PRMT7: variants seen among roughly 807,000 people sequenced by gnomAD.
PRMT7 encodes the protein protein arginine methyltransferase 7.
In PRMT7, 75 loss-of-function variants were observed where a neutral mutation model predicts 85.4. The ratio of observed to expected loss-of-function variants is 0.88; its 90% confidence interval spans 0.73 to 1.06. The LOEUF is 1.06. Among genes scored for constraint, PRMT7 ranks in the 50% least tolerant of loss-of-function variants. The pLI, the probability that PRMT7 is intolerant of heterozygous loss-of-function variation, is 0.00. For missense variants in PRMT7, 868 were observed against 915.2 expected (o/e 0.95, Z 0.67); for synonymous variants, 397 against 359.5 (o/e 1.10, Z -1.18).
rs1362575188 is a variant in PRMT7 at position 68,353,553 on chromosome 16, A to T, written c.1637A>T (p.Asp546Val). ...DCEGFDVHIM[D>V]DMIKRALDFR... The stretch of plus-strand genomic sequence containing the variant: ...GAAGGCTTCGACGTGCACATCATGG[A>T]CGACATGATTAAGGTAGGCAGGGCC... Residue 546 changes from aspartate to valine, a missense_variant, in exon 16 of 19, where the codon GAC (aspartate) becomes GTC (valine). Coordinates refer to ENST00000441236, the MANE Select transcript of PRMT7 (RefSeq NM_019023.5). 1.9e-6 allele frequency: 3 copies of T among 1,587,980 alleles called. No individual in the cohort carries two copies. Among genetic ancestry groups the T allele is most frequent in the Non-Finnish European group, 2.6e-6 (3 of 1,167,902 alleles).
Position 68,324,705 on chromosome 16 carries a change from TCCGGGCTG to T in PRMT7, c.159_166del (p.Ala54GlufsTer45). ...TAGAATGTAAAATACTACCAAGGTA[TCCGGGCTG>T]CCGTGAGCAGGGTGAAGGACAGAGG... On this transcript the variant is annotated frameshift_variant, in exon 5 of 19. Coordinates refer to ENST00000441236, the MANE Select transcript of PRMT7 (RefSeq NM_019023.5). LOFTEE classifies it high-confidence loss of function. 1 of 1,614,268 alleles carries T rather than the reference TCCGGGCTG, an allele frequency of 6.2e-7. No individual in the cohort carries two copies. Among genetic ancestry groups the T allele is most frequent in the Non-Finnish European group, 8.5e-7 (1 of 1,180,040 alleles).
At chr16:68,337,115 T>G (rs909878251) in intron 6 of PRMT7, among the ~76,000 whole-genome samples, 5 of 152,218 alleles carry the variant, frequency 3.3e-5, no homozygotes, top group Non-Finnish European at 7.3e-5. Flanking sequence ...CTCAAACTCC[T>G]GAACTCAATC....
intron 2 of PRMT7, among the ~76,000 whole-genome samples, chr16:68,312,445 G>T (rs1301130163): frequency 6.6e-6 from 1 of 151,816 alleles, no homozygotes; most frequent in Non-Finnish European, 1.5e-5. Flanking sequence ...ACTATGTTGC[G>T]CAGGCTGGTC....
intron 4 of PRMT7, 52 bp from the exon 5 acceptor site, chr16:68,324,630 CT>C: frequency 6.2e-7 from 1 of 1,604,142 alleles, no homozygotes; most frequent in Non-Finnish European, 8.5e-7. Flanking sequence ...TGCAAAGCAC[CT>C]TTCCACTTAC....
At chr16:68,346,077 A>G in intron 10 of PRMT7, 68 bp from the exon 11 acceptor site, 2 of 1,601,852 alleles carry the variant, frequency 1.2e-6, no homozygotes, top group Non-Finnish European at 1.7e-6. Flanking sequence ...CAGTGTCCAG[A>G]TTCATGCCCT....
intron 4 of PRMT7, chr16:68,322,336 A>G (rs1171929923): frequency 2.3e-6 from 1 of 432,082 alleles, no homozygotes; most frequent in Admixed American, 2.5e-5. Flanking sequence ...AGTAGCTGGG[A>G]CTACAGGCAT....
Position 68,324,809 on chromosome 16 carries a change from G to T in PRMT7, c.259G>T (p.Ala87Ser), listed in dbSNP as rs199750494. The T allele has an allele frequency of 6.2e-7, 1 of 1,614,156 alleles. No homozygotes were observed. Among genetic ancestry groups the T allele is most frequent in the South Asian group, 1.1e-5 (1 of 91,086 alleles). ...LLSMMAVTAG[A>S]DFCYAIEVFK... ...GTCAATGATGGCGGTCACAGCAGGT[G>T]CCGACTTCTGCTATGCCATCGAGGT... is the stretch of plus-strand genomic sequence containing the variant. The change falls in exon 5 of 19, where the codon GCC becomes TCC. Residue 87 changes from alanine (A) to serine (S), a missense_variant. Ala to Ser is a moderately conservative substitution (Grantham distance 99). Coordinates refer to ENST00000441236, the MANE Select transcript of PRMT7 (RefSeq NM_019023.5).
intron 2 of PRMT7, among the ~76,000 whole-genome samples, chr16:68,314,876 T>C (rs569105949): frequency 6.6e-6 from 1 of 152,284 alleles, no homozygotes; most frequent in Admixed American, 6.5e-5. Context: ...ATTTTACTTG[T>C]TTGAAGCAAA....
intron 2 of PRMT7, among the ~76,000 whole-genome samples, chr16:68,313,872 C>T (rs527857568): frequency 3.3e-5 from 5 of 152,252 alleles, no homozygotes; most frequent in African/African-American, 9.6e-5. Context: ...GAGTTTAAGG[C>T]TGTAGAGTGT....
chr16:68,353,367 C>T, intron 15 of PRMT7, 125 bp from the exon 16 acceptor site: 1 of 1,526,892 alleles, frequency 6.5e-7, no homozygotes. Context: ...TCTCTCTGAG[C>T]CCCTTCATAC....
In PRMT7 at chr16:68,346,231, A is replaced by T. The variant is rs1238636471; in HGVS notation, c.1142A>T (p.Glu381Val). ...HLLWNRPRFG[E>V]INDQDRTDRY... ...CTCTGGAACCGGCCTCGGTTTGGAG[A>T]GATCAATGACCAGGACAGAACTGAT... is the stretch of plus-strand genomic sequence containing the variant. Residue 381 changes from glutamate (E) to valine (V), a missense_variant, in exon 11 of 19, where the codon GAG (glutamate) becomes GTG (valine). Glu to Val is a moderately radical substitution (Grantham distance 121). Transcript: ENST00000441236. 6.2e-7 allele frequency: 1 copy of T among 1,614,210 alleles called. No individual in the cohort carries two copies. The highest frequency in any genetic ancestry group is 1.7e-5 in the Admixed American group (1 of 60,024).
Position 68,347,261 on chromosome 16 carries a change from C to G in PRMT7, c.1242C>G (p.Leu414=), listed in dbSNP as rs1286497506. 7 of 1,553,436 alleles carry G rather than the reference C, an allele frequency of 4.5e-6. No homozygotes were observed. The Admixed American group carries it at 1.2e-4, about 26-fold the overall frequency. The change falls in exon 12 of 19, where the codon CTC becomes CTG. Residue 414 remains leucine (L), a synonymous_variant. Coordinates refer to ENST00000441236, the MANE Select transcript of PRMT7 (RefSeq NM_019023.5). The part of the protein sequence containing the change: ...VCLCVSDGSL[L]SVLAHHLGVE... Reference sequence around the variant, plus strand: ...TGTGTGTCAGCGATGGCAGCCTGCTCTCCGTGCTGGCCCATCACCTGGGGG... The same window carrying G: ...TGTGTGTCAGCGATGGCAGCCTGCTGTCCGTGCTGGCCCATCACCTGGGGG...
Position 68,329,158 on chromosome 16 carries a change from G to A in PRMT7, c.375G>A (p.Glu125=). Residue 125 remains glutamate (E), a synonymous_variant, in exon 6 of 19, where the codon GAG becomes GAA. Coordinates refer to ENST00000441236, the MANE Select transcript of PRMT7 (RefSeq NM_019023.5). ...AGGTTATCAACAAGCATTCCACCGA[G>A]GTGACTGTAGGTCCAGGTGAGATTT... ...KIKVINKHST[E]VTVGPEGDMP... The A allele has an allele frequency of 1.3e-6, 2 of 1,595,660 alleles. No homozygotes were observed. The highest frequency in any genetic ancestry group is 8.6e-7 in the Non-Finnish European group (1 of 1,163,380).
At chr16:68,347,781 T>G (rs2086637737) in intron 13 of PRMT7, 103 bp downstream of exon 13, 1 of 1,064,468 alleles carries the variant, frequency 9.4e-7, no homozygotes, top group African/African-American at 1.6e-5. Context: ...GAGTGGTGGC[T>G]CGCTTGCACC....
chr16:68,322,155 A>G (rs902955725), intron 4 of PRMT7, among the ~76,000 whole-genome samples: 9 of 152,144 alleles, frequency 5.9e-5, no homozygotes, highest in Admixed American at 5.9e-4. Flanking sequence ...ACTTGGGATT[A>G]CAGGTGCGTG....
rs1255727343 is a variant in PRMT7, at chr16:68,357,354, CCGTGTTGCAT to C, written c.*132_*141del. The C allele has an allele frequency of 6.9e-6, 7 of 1,008,190 alleles. No homozygotes were observed. The Admixed American group carries it at 1.7e-4, about 24-fold the overall frequency. The allele number at this position is 1,008,190 out of a possible 1,614,324, so 62.5% of individuals were successfully genotyped here. On this transcript the variant is annotated 3_prime_UTR_variant, in exon 19 of 19. Coordinates refer to ENST00000441236, the MANE Select transcript of PRMT7 (RefSeq NM_019023.5). ...GGCCTCAGGGATGGGAAAGACTGCGCCGTGTTGCATCTTGTTGCATCTTTGCACTGCTGGC... is the reference window on the plus strand; with the variant it reads ...GGCCTCAGGGATGGGAAAGACTGCGCCTTGTTGCATCTTTGCACTGCTGGC...
chr16:68,356,709 A>G lies in PRMT7; in HGVS notation c.1820A>G (p.Gln607Arg), dbSNP rs1403173118. ...CCCCCTCTCCTTGACAGGCCCGGGC[A>G]GAGCCACGCAGCGGTGCTATGGATG... ...EGTVELRRPGQSHAAVLWMEY... is the reference protein window; with the variant it reads ...EGTVELRRPGRSHAAVLWMEY... Residue 607 changes from glutamine (Q) to arginine (R), a missense_variant, in exon 18 of 19, where the codon CAG (glutamine) becomes CGG (arginine). By Grantham distance (43) the Gln-to-Arg change is conservative (BLOSUM62 1). Coordinates refer to ENST00000441236, the MANE Select transcript of PRMT7 (RefSeq NM_019023.5). 6.2e-7 allele frequency: 1 copy of G among 1,611,796 alleles called. No homozygotes were observed.
At chr16:68,330,948 AATCAACG>A (rs2083798088) in intron 6 of PRMT7, among the ~76,000 whole-genome samples, 1 of 152,154 alleles carries the variant, frequency 6.6e-6, no homozygotes, top group Non-Finnish European at 1.5e-5. Flanking sequence ...TTCCATTTAC[AATCAACG>A]TTATTGAAGT....
intron 6 of PRMT7, among the ~76,000 whole-genome samples, chr16:68,335,632 CAG>C (rs2084558700): frequency 6.6e-6 from 1 of 151,710 alleles, no homozygotes; most frequent in Non-Finnish European, 1.5e-5. Flanking sequence ...CCACATGAGA[CAG>C]AGCCCATTCA....
Sources: allele counts gnomAD v4.1 joint callset (sites outside exome capture counted in the v4.1 genomes callset), GRCh38; gene constraint gnomAD v4.1.1; transcripts MANE v1.5; gene names NCBI Gene and HGNC (gene_info 2026-07-23, HGNC 2026-07-21).